The following MMP8 variants were observed in gnomAD, a reference collection of about 807,000 sequenced individuals.
The protein encoded by MMP8 is neutrophil collagenase.
A neutral mutation model predicts 51.2 loss-of-function variants in MMP8; 67 were observed. The observed-to-expected ratio is 1.31, with a 90% CI of 1.08 to 1.60. The LOEUF (loss-of-function observed/expected upper bound fraction) is 1.60, where lower values mean the gene tolerates loss of function less well. MMP8 is among the 40% of genes most tolerant of loss of function. The pLI is 0.00. For missense variants in MMP8, 654 were observed against 558.1 expected, an observed-to-expected ratio of 1.17 and a Z score of -1.73; for synonymous variants, 225 against 191.0, an observed-to-expected ratio of 1.18 and a Z score of -1.47.
At position 102,721,391 on chromosome 11, in the gene MMP8, A is replaced by G. The variant is rs765774345; in HGVS notation, c.622+10T>C. 6.2e-7 allele frequency: 1 copy of G among 1,613,354 alleles called. No individual in the cohort carries two copies. The highest frequency in any genetic ancestry group is 1.1e-5 in the South Asian group (1 of 91,034). On this transcript the variant is annotated intron_variant, in intron 4 of 9. Coordinates refer to ENST00000236826, the MANE Select transcript of MMP8 (RefSeq NM_002424.3). ...GAAGCTGTGTGTGGACATAATCTTG[A>G]TTAACTTACTTGCGGAGGTGTTGGT...
chr11:102,713,445 A>T lies in MMP8; in HGVS notation c.1307T>A (p.Val436Asp). The T allele has an allele frequency of 3.7e-6, 6 of 1,610,030 alleles. No homozygotes were observed. Among genetic ancestry groups the T allele is most frequent in the Non-Finnish European group, 5.1e-6 (6 of 1,176,428 alleles). The change falls in exon 10 of 10, where the codon GTC (valine) becomes GAC (aspartate). Residue 436 changes from valine to aspartate, a missense_variant. Coordinates refer to ENST00000236826, the MANE Select transcript of MMP8 (RefSeq NM_002424.3). The stretch of plus-strand genomic sequence containing the variant: ...TGCGTAATATCTTGGTCCACTGAAG[A>T]CATGGAAGAAATCTATAAAAAAAGA... ...AVFQQEHFFH[V>D]FSGPRYYAFD... is the part of the protein sequence containing the mutation.
chr11:102,714,771 T>C (rs1861235075), intron 7 of MMP8, 62 bp from the exon 8 acceptor site: 1 of 45,848 alleles, frequency 2.2e-5, no homozygotes, highest in Non-Finnish European at 3.8e-5. Context: ...ATTATATATA[T>C]ATATATATAT....
At chr11:102,723,033 T>C (rs1861520614) in intron 1 of MMP8, 1 of 1,293,888 alleles carries the variant, frequency 7.7e-7, no homozygotes, top group Non-Finnish European at 1.0e-6. Flanking sequence ...TCAGTGCAGT[T>C]CCTCTTTTTT....
chr11:102,718,110 C>T (rs940711593), intron 5 of MMP8, among the ~76,000 whole-genome samples: 3 of 149,072 alleles, frequency 2.0e-5, no homozygotes, highest in East Asian at 1.9e-4. Flanking sequence ...CCATCCCCCC[C>T]CCCAAAAAAA....
chr11:102,718,727 A>T, intron 4 of MMP8, 152 bp from the exon 5 acceptor site: 1 of 830,434 alleles, frequency 1.2e-6, no homozygotes. Flanking sequence ...GATACCTGAG[A>T]AAGTGGACAT....
At chr11:102,722,386 A>G in intron 2 of MMP8, 43 bp downstream of exon 2, 2 of 1,602,350 alleles carry the variant, frequency 1.2e-6, no homozygotes, top group Non-Finnish European at 8.5e-7. Flanking sequence ...AGCCCAGTCC[A>G]TACTGGATAA....
intron 5 of MMP8, among the ~76,000 whole-genome samples, chr11:102,717,654 G>C (rs568189769): frequency 7.0e-4 from 106 of 152,126 alleles, no homozygotes; most frequent in Non-Finnish European, 1.3e-3. Flanking sequence ...TAGACTCCCA[G>C]GTGTCTTCCA....
chr11:102,720,411 GA>G (rs2134309904), intron 4 of MMP8, among the ~76,000 whole-genome samples: 1 of 152,280 alleles, frequency 6.6e-6, no homozygotes, highest in African/African-American at 2.4e-5. Context: ...AGGGAATGGA[GA>G]GGAGCTGAGG....
At chr11:102,723,474 T>A in intron 1 of MMP8, 1 of 453,966 alleles carries the variant, frequency 2.2e-6, no homozygotes, top group Non-Finnish European at 4.4e-6. Flanking sequence ...GCTGATTTTC[T>A]CTCACAATTC....
At position 102,712,674 on chromosome 11, in the gene MMP8, C is replaced by T. The variant is rs1175627261; in HGVS notation, c.*674G>A. 1 of 152,164 alleles carries T rather than the reference C, an allele frequency of 6.6e-6. No homozygotes were observed. Among genetic ancestry groups the T allele is most frequent in the African/African-American group, 2.4e-5 (1 of 41,414 alleles). The allele number at this position is 152,164 out of a possible 1,614,324, so 9.4% of individuals were successfully genotyped here. On this transcript the variant is annotated 3_prime_UTR_variant, in exon 10 of 10. Transcript: ENST00000236826. The stretch of plus-strand genomic sequence containing the variant: ...TCCTCCCCTAGGTGACTATGCCTCT[C>T]TTCTTCTTATAAGAACAACAGTCAT...
rs528734424 is a variant in MMP8 at position 102,712,215 on chromosome 11, A to G, written c.*1133T>C. On this transcript the variant is annotated 3_prime_UTR_variant, in exon 10 of 10. Transcript: ENST00000236826. ...GGAAATAGAAGTAAAGAACTGACGA[A>G]CATCAGATCCAACTGGCCCATTTGG... is the stretch of plus-strand genomic sequence containing the variant. 2 of 152,306 alleles carry G rather than the reference A, an allele frequency of 1.3e-5. No individual in the cohort carries two copies. Among genetic ancestry groups the G allele is most frequent in the South Asian group, 2.1e-4 (1 of 4,824 alleles). 9.4% of individuals were successfully genotyped at this position (152,306 alleles called of 1,614,324 possible). A position where few individuals can be genotyped will look rare whatever the true frequency, so the allele number is the denominator to read the frequency against.
Position 102,713,424 on chromosome 11 carries a change from T to C in MMP8, c.1328A>G (p.Tyr443Cys), listed in dbSNP as rs748076832. Residue 443 changes from tyrosine (Y) to cysteine (C), a missense_variant, in exon 10 of 10, where the codon TAC becomes TGC. Transcript: ENST00000236826. ...FFHVFSGPRY[Y>C]AFDLIAQRVT... The stretch of plus-strand genomic sequence containing the variant: ...TCTCTGAGCAATAAGATCAAATGCG[T>C]AATATCTTGGTCCACTGAAGACATG... The C allele has an allele frequency of 6.2e-7, 1 of 1,613,496 alleles. No homozygotes were observed. The highest frequency in any genetic ancestry group is 1.7e-5 in the Admixed American group (1 of 59,978).
At chr11:102,716,278 G>T in intron 6 of MMP8, 24 bp downstream of exon 6, 1 of 1,481,914 alleles carries the variant, frequency 6.7e-7, no homozygotes, top group Non-Finnish European at 9.4e-7. Flanking sequence ...AGGAATCAAA[G>T]GAAGAAATAT....
At chr11:102,721,100 G>C (rs550202308) in intron 4 of MMP8, among the ~76,000 whole-genome samples, 2 of 152,148 alleles carry the variant, frequency 1.3e-5, no homozygotes, top group Non-Finnish European at 2.9e-5. Flanking sequence ...ATGTGGCCCT[G>C]TTTCAATAAA....
intron 3 of MMP8, 28 bp downstream of exon 3, chr11:102,721,586 A>G: frequency 6.2e-7 from 1 of 1,613,490 alleles, no homozygotes; most frequent in Non-Finnish European, 8.5e-7. Context: ...AAAGAAAGCA[A>G]AACTGAGCAT....
chr11:102,716,384 T>G lies in MMP8; in HGVS notation c.820A>C (p.Ser274Arg). The G allele has an allele frequency of 1.2e-6, 2 of 1,600,870 alleles. No homozygotes were observed. Among genetic ancestry groups the G allele is most frequent in the Non-Finnish European group, 1.7e-6 (2 of 1,173,404 alleles). ...CTGGGGTCACAGGGTTTGGGTGTGC[T>G]TGGTCCAGTAGGTTGGATAGGGTTG... is the stretch of plus-strand genomic sequence containing the variant. The part of the protein sequence containing the change: ...SSNPIQPTGP[S>R]TPKPCDPSLT... Residue 274 changes from serine to arginine, a missense_variant, in exon 6 of 10, where the codon AGC becomes CGC. Physicochemically the swap from Ser to Arg is moderately radical, Grantham distance 110. Transcript: ENST00000236826.
chr11:102,722,060 T>C (rs1861489524), intron 2 of MMP8, among the ~76,000 whole-genome samples: 1 of 152,146 alleles, frequency 6.6e-6, no homozygotes, highest in Non-Finnish European at 1.5e-5. Flanking sequence ...TGTCAAATAG[T>C]AATAATATTC....
At chr11:102,723,948 GAAATGA>G in intron 1 of MMP8, 1 of 329,612 alleles carries the variant, frequency 3.0e-6, no homozygotes, top group Non-Finnish European at 6.4e-6. Context: ...TTTTGTCTCT[GAAATGA>G]AAATAATAAT....
intron 4 of MMP8, among the ~76,000 whole-genome samples, chr11:102,719,203 G>A (rs554689824): frequency 1.3e-4 from 20 of 152,192 alleles, no homozygotes; most frequent in African/African-American, 4.6e-4. Context: ...CACAACTGGA[G>A]ACTTAAAACC....
Sources: allele counts gnomAD v4.1 joint callset (sites outside exome capture counted in the v4.1 genomes callset), GRCh38; gene constraint gnomAD v4.1.1; transcripts MANE v1.5; gene names NCBI Gene and HGNC (gene_info 2026-07-23, HGNC 2026-07-21).